The following PNKD variants were observed in gnomAD, a reference collection of about 807,000 sequenced individuals.
The protein encoded by PNKD is PNKD metallo-beta-lactamase domain containing.
In PNKD, 36 loss-of-function variants were observed where a neutral mutation model predicts 45.3. The observed-to-expected ratio is 0.80, with a 90% CI of 0.61 to 1.05. The LOEUF is 1.05. Ranked by LOEUF, PNKD falls within the 50% of genes least tolerant of loss-of-function variation. PNKD has a pLI of 0.00. For synonymous variants in PNKD, 197 were observed against 210.1 expected (o/e 0.94, Z 0.54); for missense variants, 511 against 506.6 (o/e 1.01, Z -0.08).
At chr2:218,336,203 G>A (rs1304670828) in intron 2 of PNKD, among the ~76,000 whole-genome samples, 2 of 60,648 alleles carry the variant, frequency 3.3e-5, no homozygotes, top group Non-Finnish European at 5.5e-5. Context: ...GACAGAGTGA[G>A]ACTCCATCTC....
chr2:218,297,439 T>C (rs540558106), intron 2 of PNKD, among the ~76,000 whole-genome samples: 1 of 152,168 alleles, frequency 6.6e-6, no homozygotes, highest in South Asian at 2.1e-4. Flanking sequence ...ATCCCAGCAC[T>C]GTGGGAGGTC....
At chr2:218,323,314 G>T in intron 2 of PNKD, 1 of 1,563,934 alleles carries the variant, frequency 6.4e-7, no homozygotes, top group Non-Finnish European at 8.6e-7. Context: ...GTCGCCGGCT[G>T]CTGGCTCCTC....
At chr2:218,311,633 AT>A (rs1465610344) in intron 2 of PNKD, among the ~76,000 whole-genome samples, 1 of 152,196 alleles carries the variant, frequency 6.6e-6, no homozygotes, top group Non-Finnish European at 1.5e-5. Flanking sequence ...CTGCCAGCAT[AT>A]CTCGCCTCCA....
chr2:218,277,717 A>G, intron 2 of PNKD: 6 of 1,612,740 alleles, frequency 3.7e-6, no homozygotes, highest in Non-Finnish European at 5.1e-6. Flanking sequence ...AAAGGAAGGA[A>G]GGCAGGGTGC....
chr2:218,323,298 C>T (rs753231462), intron 2 of PNKD: 226 of 1,554,014 alleles, frequency 1.5e-4, no homozygotes, highest in Non-Finnish European at 1.8e-4. Flanking sequence ...CGCGGCGTGG[C>T]AGTGGGTCGC....
chr2:218,343,639 A>G lies in PNKD; in HGVS notation c.868+53A>G, dbSNP rs142302041. The G allele has an allele frequency of 8.2e-5, 113 of 1,372,850 alleles. No homozygotes were observed. In the African/African-American group the frequency reaches 1.4e-3, roughly 17 times the overall value. The allele number at this position is 1,372,850 out of a possible 1,614,324, so 85.0% of individuals were successfully genotyped here. A position where few individuals can be genotyped will look rare whatever the true frequency, so the allele number is the denominator to read the frequency against. On this transcript the variant is annotated intron_variant, in intron 8 of 9. Transcript: ENST00000273077. ...CCTCCAGCCCCACGCTCAGCCTGGG[A>G]CAAGGGCCTTCCCACCCCCTCACTC...
intron 2 of PNKD, among the ~76,000 whole-genome samples, chr2:218,296,977 G>A (rs139080971): frequency 2.0e-5 from 3 of 152,246 alleles, no homozygotes; most frequent in African/African-American, 4.8e-5. Flanking sequence ...CGCGCCGCCC[G>A]AAGTTGCTTG....
At chr2:218,315,010 C>CTT (rs55633641) in intron 2 of PNKD, among the ~76,000 whole-genome samples, 2 of 19,906 alleles carry the variant, frequency 1.0e-4, no homozygotes, top group Non-Finnish European at 2.2e-4. Flanking sequence ...TTCTTTCTTT[C>CTT]TTTTTCTTTC....
At chr2:218,285,056 C>T (rs1037475015) in intron 2 of PNKD, among the ~76,000 whole-genome samples, 1 of 152,198 alleles carries the variant, frequency 6.6e-6, no homozygotes, top group East Asian at 1.9e-4. Context: ...TGCCACTGCA[C>T]TCCAGCCTGG....
At chr2:218,275,260 A>G in intron 2 of PNKD, 3 of 511,522 alleles carry the variant, frequency 5.9e-6, no homozygotes, top group Non-Finnish European at 9.8e-6. Context: ...TGCCAAGCCC[A>G]CCAAGAGCAA....
At chr2:218,278,742 C>T (rs1691531459) in intron 2 of PNKD, among the ~76,000 whole-genome samples, 1 of 152,188 alleles carries the variant, frequency 6.6e-6, no homozygotes, top group Non-Finnish European at 1.5e-5. Flanking sequence ...TCTGAAGCAC[C>T]AGGCTCCGGC....
In PNKD at chr2:218,276,421, G is replaced by A. The variant is rs115600187; in HGVS notation, c.236+4872G>A. On this transcript the variant is annotated intron_variant, in intron 2 of 9. Transcript: ENST00000273077. The stretch of plus-strand genomic sequence containing the variant: ...AGACCAGTTCCTACAGCCCAGCCTG[G>A]GAGGGGTAGACTAAGGAAGAAGGGA... 3.8e-3 allele frequency among the ~76,000 whole-genome samples: 579 copies of A among 152,262 alleles called. 6 individuals carry two copies. The highest frequency in any genetic ancestry group is 0.012 in the African/African-American group (498 of 41,548).
At chr2:218,277,217 AT>A in intron 2 of PNKD, 1 of 1,167,998 alleles carries the variant, frequency 8.6e-7, no homozygotes, top group Non-Finnish European at 1.3e-6. Flanking sequence ...TGTCCACAAC[AT>A]TCTAAGGACA....
intron 2 of PNKD, among the ~76,000 whole-genome samples, chr2:218,311,913 G>C (rs1190313461): frequency 6.6e-6 from 1 of 152,236 alleles, no homozygotes; most frequent in Non-Finnish European, 1.5e-5. Context: ...TTCTTGGGCA[G>C]AGGTCGGTCC....
chr2:218,340,065 A>G lies in PNKD; in HGVS notation c.389A>G (p.Asn130Ser), dbSNP rs759935324. The G allele has an allele frequency of 6.2e-7, 1 of 1,613,774 alleles. No homozygotes were observed. ...CTTCCCATCCCTGTCCTCTCGGACAACTACAGCTACCTCATCATCGACACC... is the reference window on the plus strand; with the variant it reads ...CTTCCCATCCCTGTCCTCTCGGACAGCTACAGCTACCTCATCATCGACACC... ...KVLPIPVLSD[N>S]YSYLIIDTQA... The change falls in exon 4 of 10, where the codon AAC becomes AGC. Residue 130 changes from asparagine (N) to serine (S), a missense_variant. By Grantham distance (46) the Asn-to-Ser change is conservative (BLOSUM62 1). Coordinates refer to ENST00000273077, the MANE Select transcript of PNKD (RefSeq NM_015488.5). This position sits in a 1 kb window ranked among gnomAD's most constrained non-coding sequence, Gnocchi z 4.2.
chr2:218,338,069 C>T (rs1009776796), intron 2 of PNKD, among the ~76,000 whole-genome samples: 3 of 151,992 alleles, frequency 2.0e-5, no homozygotes, highest in Admixed American at 6.6e-5. Flanking sequence ...ATCGCCTGAA[C>T]CTGGGAGGCA....
intron 2 of PNKD, among the ~76,000 whole-genome samples, chr2:218,299,606 G>A (rs1441326952): frequency 2.6e-5 from 4 of 151,622 alleles, no homozygotes; most frequent in Admixed American, 6.6e-5. Context: ...CACTGCACCT[G>A]GCTAATTTTT....
chr2:218,305,604 C>T (rs1263552510), intron 2 of PNKD, among the ~76,000 whole-genome samples: 3 of 151,974 alleles, frequency 2.0e-5, no homozygotes, highest in African/African-American at 4.8e-5. Flanking sequence ...TCCATCATCC[C>T]GCCTTGGCCT....
chr2:218,315,077 T>TTCCTTCCTTCCTTC (rs1191401028), intron 2 of PNKD, among the ~76,000 whole-genome samples: 18 of 72,882 alleles, frequency 2.5e-4, no homozygotes, highest in East Asian at 1.2e-3. Context: ...TTCCTTCCTT[T>TTCCTTCCTTCCTTC]CTTTCTCTCT....
Sources: allele counts gnomAD v4.1 joint callset (sites outside exome capture counted in the v4.1 genomes callset), GRCh38; gene constraint gnomAD v4.1.1; non-coding constraint Gnocchi (gnomAD v3.1); transcripts MANE v1.5; gene names NCBI Gene and HGNC (gene_info 2026-07-23, HGNC 2026-07-21).